The following GFRA2 variants were observed in gnomAD, a reference collection of about 807,000 sequenced individuals.
The protein encoded by GFRA2 is GDNF family receptor alpha 2.
In GFRA2, 17 loss-of-function variants were observed where a neutral mutation model predicts 48.3. The observed-to-expected ratio is 0.35, with a 90% CI of 0.24 to 0.53. The LOEUF (loss-of-function observed/expected upper bound fraction) is 0.53, where lower values mean the gene tolerates loss of function less well. Among genes scored for constraint, GFRA2 ranks in the 20% least tolerant of loss-of-function variants. The pLI, the probability that GFRA2 is intolerant of heterozygous loss-of-function variation, is 0.93. For synonymous variants in GFRA2, 305 were observed against 257.2 expected, an observed-to-expected ratio of 1.19 and a Z score of -1.78; for missense variants, 660 against 637.3, an observed-to-expected ratio of 1.04 and a Z score of -0.38.
At position 21,690,472 on chromosome 8, in the gene GFRA2, C is replaced by T. The variant is rs1198942367; in HGVS notation, c.*2806G>A. On this transcript the variant is annotated 3_prime_UTR_variant, in exon 9 of 9. Coordinates refer to ENST00000524240, the MANE Select transcript of GFRA2 (RefSeq NM_001495.5). ...TGAGAGAATCACAAATAGGAATCAT[C>T]TCAACCAAAGGAATGAATACCTAAT... 6.6e-6 allele frequency: 1 copy of T among 152,200 alleles called. No homozygotes were observed. Among genetic ancestry groups the T allele is most frequent in the Non-Finnish European group, 1.5e-5 (1 of 68,036 alleles). The allele number at this position is 152,200 out of a possible 1,614,324, so 9.4% of individuals were successfully genotyped here. A position where few individuals can be genotyped will look rare whatever the true frequency, so the allele number is the denominator to read the frequency against.
chr8:21,751,708 G>A (rs949663392), intron 3 of GFRA2, among the ~76,000 whole-genome samples: 3 of 152,220 alleles, frequency 2.0e-5, no homozygotes, highest in African/African-American at 7.2e-5. Flanking sequence ...TGAGGAGGTA[G>A]GCTGAGGTCA....
chr8:21,790,251 C>A (rs1482370780), upstream of GFRA2: 1 of 188,882 alleles, frequency 5.3e-6, no homozygotes, highest in East Asian at 1.9e-4. Flanking sequence ...CCCCGGCCCT[C>A]GCGCCACGTT....
intron 4 of GFRA2, among the ~76,000 whole-genome samples, chr8:21,729,278 C>G (rs537754868): frequency 7.1e-4 from 108 of 152,202 alleles, no homozygotes; most frequent in African/African-American, 2.4e-3. Flanking sequence ...TGCAGTGAGC[C>G]GTGATCACAC....
At chr8:21,700,881 C>T (rs1321459828) in intron 7 of GFRA2, among the ~76,000 whole-genome samples, 1 of 152,106 alleles carries the variant, frequency 6.6e-6, no homozygotes, top group Non-Finnish European at 1.5e-5. Flanking sequence ...GTACTCCCTT[C>T]TATAGCTATG....
At chr8:21,759,368 A>C (rs963206299) in intron 3 of GFRA2, among the ~76,000 whole-genome samples, 2 of 148,418 alleles carry the variant, frequency 1.3e-5, no homozygotes, top group African/African-American at 4.9e-5. Context: ...CCTGGGCGAC[A>C]GAGTGAGGCT....
intron 3 of GFRA2, among the ~76,000 whole-genome samples, chr8:21,765,257 A>G (rs1394553701): frequency 6.6e-6 from 1 of 151,804 alleles, no homozygotes; most frequent in East Asian, 1.9e-4. Flanking sequence ...GACCACCCGC[A>G]TGTGCCACCA....
rs1344695878 is a variant in GFRA2 at position 21,782,831 on chromosome 8, G to A, written c.109C>T (p.Pro37Ser). The A allele has an allele frequency of 1.9e-5, 30 of 1,571,880 alleles. No homozygotes were observed. Among genetic ancestry groups the A allele is most frequent in the Non-Finnish European group, 2.5e-5 (29 of 1,165,500 alleles). The change falls in exon 2 of 9, where the codon CCA (proline) becomes TCA (serine). Residue 37 changes from proline (P) to serine (S), a missense_variant. Coordinates refer to ENST00000524240, the MANE Select transcript of GFRA2 (RefSeq NM_001495.5). ...TCATTGGCCCGGACACAGTCCACTGGGGGGCGCCAGCCGTGGAGCTCGGGG... is the reference window on the plus strand; with the variant it reads ...TCATTGGCCCGGACACAGTCCACTGAGGGGCGCCAGCCGTGGAGCTCGGGG... The part of the protein sequence containing the change: ...QGPELHGWRP[P>S]VDCVRANELC...
intron 2 of GFRA2, among the ~76,000 whole-genome samples, chr8:21,781,183 T>G (rs1439144094): frequency 6.6e-6 from 1 of 152,174 alleles, no homozygotes; most frequent in African/African-American, 2.4e-5. Flanking sequence ...TCCTGGCCTG[T>G]ATCACAGCAG....
chr8:21,780,178 C>T (rs913319726), intron 2 of GFRA2, among the ~76,000 whole-genome samples: 12 of 151,998 alleles, frequency 7.9e-5, no homozygotes, highest in Non-Finnish European at 1.8e-4. Flanking sequence ...AGGCTCCTCC[C>T]TAGCCAGGCT....
In GFRA2 at chr8:21,750,888, G is replaced by A; in HGVS notation, c.494C>T (p.Ala165Val). 1 of 1,613,684 alleles carries A rather than the reference G, an allele frequency of 6.2e-7. No homozygotes were observed. Among genetic ancestry groups the A allele is most frequent in the Non-Finnish European group, 8.5e-7 (1 of 1,179,824 alleles). Reference sequence around the variant, plus strand: ...GTTGTCATTCAGGTTGCAGGCCTTGGCAGCATCCAGGCAATGGTTGCTCTT... The same window carrying A: ...GTTGTCATTCAGGTTGCAGGCCTTGACAGCATCCAGGCAATGGTTGCTCTT... ...SAKSNHCLDA[A>V]KACNLNDNCK... Residue 165 changes from alanine (A) to valine (V), a missense_variant, in exon 4 of 9, where the codon GCC becomes GTC. Coordinates refer to ENST00000524240, the MANE Select transcript of GFRA2 (RefSeq NM_001495.5). The surrounding 1 kb of genome is among the most constrained non-coding windows in gnomAD (Gnocchi z 5.7).
At chr8:21,693,760 A>AGGAGAGGAGAGAG (rs1225222437) in intron 8 of GFRA2, among the ~76,000 whole-genome samples, 23 of 1,192 alleles carry the variant, frequency 0.019, no homozygotes, top group South Asian at 0.033. Flanking sequence ...GGAGAGAAGA[A>AGGAGAGGAGAGAG]GAAGGAGAGG....
At chr8:21,785,916 G>A (rs1475304313) in intron 1 of GFRA2, among the ~76,000 whole-genome samples, 1 of 152,184 alleles carries the variant, frequency 6.6e-6, no homozygotes, top group Non-Finnish European at 1.5e-5. Context: ...CACCCAGTGG[G>A]ATTTTCAACC....
intron 3 of GFRA2, among the ~76,000 whole-genome samples, chr8:21,770,432 A>C (rs1806386970): frequency 6.6e-6 from 1 of 152,236 alleles, no homozygotes; most frequent in Non-Finnish European, 1.5e-5. Context: ...GGGAGAGGAC[A>C]GGATTGGGGC....
intron 7 of GFRA2, among the ~76,000 whole-genome samples, chr8:21,698,299 T>C (rs191347158): frequency 3.3e-5 from 5 of 152,274 alleles, no homozygotes; most frequent in Admixed American, 3.3e-4. Context: ...GAACTGGCCC[T>C]TGCAGATGGC....
intron 4 of GFRA2, among the ~76,000 whole-genome samples, chr8:21,722,006 T>C (rs76283023): frequency 2.0e-3 from 298 of 152,296 alleles, no homozygotes; most frequent in African/African-American, 6.9e-3. Context: ...TCTCATTATA[T>C]AGACTAATGA....
intron 7 of GFRA2, among the ~76,000 whole-genome samples, chr8:21,700,351 G>A (rs1334623738): frequency 2.0e-5 from 3 of 152,244 alleles, no homozygotes; most frequent in East Asian, 1.9e-4. Context: ...CAGAGAGGGG[G>A]CCAAAGCCTG....
chr8:21,742,842 G>A (rs575860416), intron 4 of GFRA2, among the ~76,000 whole-genome samples: 47 of 152,278 alleles, frequency 3.1e-4, no homozygotes, highest in Middle Eastern at 3.4e-3. Context: ...AACAGGATCC[G>A]CATCTCATCC....
intron 4 of GFRA2, among the ~76,000 whole-genome samples, chr8:21,746,892 C>T (rs148062341): frequency 0.012 from 1,757 of 152,250 alleles, 33 homozygotes; most frequent in African/African-American, 0.04. Context: ...CTCCAAACTC[C>T]CCCATCTCAG....
intron 1 of GFRA2, among the ~76,000 whole-genome samples, chr8:21,787,086 T>C (rs1486675944): frequency 1.3e-5 from 2 of 152,134 alleles, no homozygotes; most frequent in African/African-American, 4.8e-5. Context: ...CTCCCGGTGG[T>C]GCACAGCCTT....
Sources: gnomAD v4.1 joint callset for allele counts (sites outside exome capture counted in the v4.1 genomes callset) on GRCh38, gnomAD v4.1.1 for gene constraint, Gnocchi (gnomAD v3.1) non-coding constraint, MANE v1.5 for transcripts, NCBI Gene and HGNC (gene_info 2026-07-23, HGNC 2026-07-21) for gene names.